Variants in OR2Y1 observed in about 807,000 individuals in gnomAD.
OR2Y1 encodes the protein olfactory receptor family 2 subfamily Y member 1.
For synonymous variants in OR2Y1, 163 were observed against 154.2 expected, an observed-to-expected ratio of 1.06 and a Z score of -0.42; for missense variants, 412 against 388.4, an observed-to-expected ratio of 1.06 and a Z score of -0.51.
In OR2Y1 at chr5:180,739,984, G is replaced by A. The variant is rs377240764; in HGVS notation, c.75C>T (p.Pro25=). 5 of 1,613,786 alleles carry A rather than the reference G, an allele frequency of 3.1e-6. No homozygotes were observed. The African/African-American group carries it at 4.0e-5, about 13-fold the overall frequency. ...AAATAAAAATAAAGACAAACAGGAT[G>A]GGCTCCAGTTGCGGCCAATCTGAGA... ...VGFSDWPQLE[P]ILFVFIFIFY... The change falls in exon 1 of 1, where the codon CCC becomes CCT. Residue 25 remains proline, a synonymous_variant. Transcript: ENST00000307832.
Position 180,739,417 on chromosome 5 carries a change from T to C in OR2Y1, c.642A>G (p.Leu214=). Residue 214 remains leucine, a synonymous_variant, in exon 1 of 1, where the codon CTA becomes CTG. Coordinates refer to ENST00000307832, the MANE Select transcript of OR2Y1 (RefSeq NM_001001657.1). ...CATGAGCAATGTGCACATAGGAGCC[T>C]AGAATAAGTGCTGCAGGAACAGCCA... is the stretch of plus-strand genomic sequence containing the variant. ...IVVAVPAALI[L]GSYVHIAHAV... 1 of 1,614,172 alleles carries C rather than the reference T, an allele frequency of 6.2e-7. No individual in the cohort carries two copies. The highest frequency in any genetic ancestry group is 8.5e-7 in the Non-Finnish European group (1 of 1,180,028).
At position 180,739,721 on chromosome 5, in the gene OR2Y1, A is replaced by G; in HGVS notation, c.338T>C (p.Val113Ala). 8.7e-6 allele frequency: 14 copies of G among 1,614,244 alleles called. No individual in the cohort carries two copies. Among genetic ancestry groups the G allele is most frequent in the Non-Finnish European group, 1.2e-5 (14 of 1,180,038 alleles). ...GTCAAAGGCCATCACCACCAGGAGC[A>G]CACACTCTGTGGAGCCCAGGGCTAG... ...IYLALGSTEC[V>A]LLVVMAFDRY... Residue 113 changes from valine to alanine, a missense_variant, in exon 1 of 1, where the codon GTG (valine) becomes GCG (alanine). Coordinates refer to ENST00000307832, the MANE Select transcript of OR2Y1 (RefSeq NM_001001657.1).
rs1380859883 is a variant in OR2Y1 at position 180,739,224 on chromosome 5, T to C, written c.835A>G (p.Ile279Val). The C allele has an allele frequency of 1.2e-6, 2 of 1,613,914 alleles. No homozygotes were observed. Among genetic ancestry groups the C allele is most frequent in the Non-Finnish European group, 1.7e-6 (2 of 1,179,952 alleles). ...AGAGGATTGAGAATGGGGGTAATTATAGTATAAAAAAGGGCAACAAATTTT... is the reference window on the plus strand; with the variant it reads ...AGAGGATTGAGAATGGGGGTAATTACAGTATAAAAAAGGGCAACAAATTTT... ...EGKFVALFYTIITPILNPLIY... is the reference protein window; with the variant it reads ...EGKFVALFYTVITPILNPLIY... Residue 279 changes from isoleucine (I) to valine (V), a missense_variant, in exon 1 of 1, where the codon ATA (isoleucine) becomes GTA (valine). Physicochemically the swap from Ile to Val is conservative, Grantham distance 29 (BLOSUM62 3). Transcript: ENST00000307832.
At position 180,739,225 on chromosome 5, in the gene OR2Y1, A is replaced by G. The variant is rs769894258; in HGVS notation, c.834T>C (p.Thr278=). The change falls in exon 1 of 1, where the codon ACT becomes ACC. Residue 278 remains threonine (T), a synonymous_variant. Transcript: ENST00000307832. The part of the protein sequence containing the change: ...REGKFVALFY[T]IITPILNPLI... Reference sequence around the variant, plus strand: ...GAGGATTGAGAATGGGGGTAATTATAGTATAAAAAAGGGCAACAAATTTTC... The same window carrying G: ...GAGGATTGAGAATGGGGGTAATTATGGTATAAAAAAGGGCAACAAATTTTC... The G allele has an allele frequency of 1.2e-6, 2 of 1,614,004 alleles. No homozygotes were observed. Among genetic ancestry groups the G allele is most frequent in the Non-Finnish European group, 1.7e-6 (2 of 1,179,910 alleles).
rs775167483 is a variant in OR2Y1 at position 180,739,977 on chromosome 5, A to G, written c.82T>C (p.Phe28Leu). 19 of 1,613,766 alleles carry G rather than the reference A, an allele frequency of 1.2e-5. No homozygotes were observed. The highest frequency in any genetic ancestry group is 1.6e-5 in the Non-Finnish European group (19 of 1,179,812). The change falls in exon 1 of 1, where the codon TTT (phenylalanine) becomes CTT (leucine). Residue 28 changes from phenylalanine to leucine, a missense_variant. Transcript: ENST00000307832. ...GAGTAGAAAATAAAAATAAAGACAAACAGGATGGGCTCCAGTTGCGGCCAA... is the reference window on the plus strand; with the variant it reads ...GAGTAGAAAATAAAAATAAAGACAAGCAGGATGGGCTCCAGTTGCGGCCAA... ...SDWPQLEPIL[F>L]VFIFIFYSLT...
In OR2Y1 at chr5:180,739,996, C is replaced by T. The variant is rs749891000; in HGVS notation, c.63G>A (p.Pro21=). The change falls in exon 1 of 1, where the codon CCG becomes CCA. Residue 21 remains proline (P), a synonymous_variant. Coordinates refer to ENST00000307832, the MANE Select transcript of OR2Y1 (RefSeq NM_001001657.1). ...AGACAAACAGGATGGGCTCCAGTTG[C>T]GGCCAATCTGAGAATCCCACCAAAA... The part of the protein sequence containing the change: ...GFILVGFSDW[P]QLEPILFVFI... 5.0e-6 allele frequency: 8 copies of T among 1,613,600 alleles called. No individual in the cohort carries two copies. Among genetic ancestry groups the T allele is most frequent in the East Asian group, 2.2e-5 (1 of 44,882 alleles).
At position 180,739,413 on chromosome 5, in the gene OR2Y1, A is replaced by G. The variant is rs1352200548; in HGVS notation, c.646T>C (p.Ser216Pro). ...VAVPAALILG[S>P]YVHIAHAVLR... is the part of the protein sequence containing the mutation. ...ACTGCATGAGCAATGTGCACATAGG[A>G]GCCTAGAATAAGTGCTGCAGGAACA... Residue 216 changes from serine (S) to proline (P), a missense_variant, in exon 1 of 1, where the codon TCC becomes CCC. Ser to Pro is a moderately conservative substitution (Grantham distance 74). Coordinates refer to ENST00000307832, the MANE Select transcript of OR2Y1 (RefSeq NM_001001657.1). 6.2e-7 allele frequency: 1 copy of G among 1,614,208 alleles called. No homozygotes were observed. The highest frequency in any genetic ancestry group is 1.1e-5 in the South Asian group (1 of 91,082).
rs992497443 is a variant in OR2Y1 at position 180,739,843 on chromosome 5, G to A, written c.216C>T (p.Cys72=). 2 of 1,614,130 alleles carry A rather than the reference G, an allele frequency of 1.2e-6. No individual in the cohort carries two copies. The highest frequency in any genetic ancestry group is 2.2e-5 in the East Asian group (1 of 44,898). Residue 72 remains cysteine (C), a synonymous_variant, in exon 1 of 1, where the codon TGC becomes TGT. Coordinates refer to ENST00000307832, the MANE Select transcript of OR2Y1 (RefSeq NM_001001657.1). ...FLSHLSLLDL[C]FTTSTVPQLL... is the part of the protein sequence containing the mutation. ...GCTGGGGCACGGTGCTGGTGGTGAA[G>A]CAGAGGTCCAGGAGGGACAGATGAG...
Position 180,739,274 on chromosome 5 carries a change from A to T in OR2Y1, c.785T>A (p.Ile262Asn). The T allele has an allele frequency of 6.2e-7, 1 of 1,614,166 alleles. No individual in the cohort carries two copies. The change falls in exon 1 of 1, where the codon ATC (isoleucine) becomes AAC (asparagine). Residue 262 changes from isoleucine to asparagine, a missense_variant. Ile to Asn is a moderately radical substitution (Grantham distance 149). Coordinates refer to ENST00000307832, the MANE Select transcript of OR2Y1 (RefSeq NM_001001657.1). ...TCCCTCACGCTCAGAATAATTGTGG[A>T]TGGATTGGAGATATGTGTAGATGGC... is the stretch of plus-strand genomic sequence containing the variant. Reference protein sequence around the residue: ...GSAIYTYLQSIHNYSEREGKF... With the variant: ...GSAIYTYLQSNHNYSEREGKF...
Position 180,739,835 on chromosome 5 carries a change from G to C in OR2Y1, c.224C>G (p.Thr75Ser). Reference protein sequence around the residue: ...HLSLLDLCFTTSTVPQLLINL... With the variant: ...HLSLLDLCFTSSTVPQLLINL... ...GATCAGGAGCTGGGGCACGGTGCTG[G>C]TGGTGAAGCAGAGGTCCAGGAGGGA... The change falls in exon 1 of 1, where the codon ACC (threonine) becomes AGC (serine). Residue 75 changes from threonine to serine, a missense_variant. By Grantham distance (58) the Thr-to-Ser change is moderately conservative (BLOSUM62 1). Coordinates refer to ENST00000307832, the MANE Select transcript of OR2Y1 (RefSeq NM_001001657.1). The C allele has an allele frequency of 6.2e-7, 1 of 1,614,258 alleles. No homozygotes were observed. Among genetic ancestry groups the C allele is most frequent in the Non-Finnish European group, 8.5e-7 (1 of 1,180,042 alleles).
rs1233068099 is a variant in OR2Y1 at position 180,739,745 on chromosome 5, AG to A, written c.313del (p.Leu105Ter). On this transcript the variant is annotated frameshift_variant, in exon 1 of 1. Transcript: ENST00000307832. LOFTEE classifies it low-confidence loss of function (END_TRUNC). ...CACACACTCTGTGGAGCCCAGGGCT[AG>A]GTAGATGAAGAGCTGAGCCACACAC... ...GGCVAQLFIY[L>X]ALGSTECVLL... 1 of 1,614,230 alleles carries A rather than the reference AG, an allele frequency of 6.2e-7. No individual in the cohort carries two copies. The highest frequency in any genetic ancestry group is 8.5e-7 in the Non-Finnish European group (1 of 1,180,032).
Position 180,739,565 on chromosome 5 carries a change from G to A in OR2Y1, c.494C>T (p.Ala165Val). 6.2e-7 allele frequency: 1 copy of A among 1,614,262 alleles called. No individual in the cohort carries two copies. The highest frequency in any genetic ancestry group is 8.5e-7 in the Non-Finnish European group (1 of 1,180,042). The change falls in exon 1 of 1, where the codon GCC (alanine) becomes GTC (valine). Residue 165 changes from alanine (A) to valine (V), a missense_variant. Physicochemically the swap from Ala to Val is moderately conservative, Grantham distance 64 (BLOSUM62 0). Coordinates refer to ENST00000307832, the MANE Select transcript of OR2Y1 (RefSeq NM_001001657.1). ...NSLIQTGLAM[A>V]MPLCGHRLNH... ...CAGTCGATGGCCACAGAGAGGCATG[G>A]CCATTGCGAGACCTGTCTGGATCAG... is the stretch of plus-strand genomic sequence containing the variant.
chr5:180,739,231 A>T lies in OR2Y1; in HGVS notation c.828T>A (p.Phe276Leu). 1 of 1,614,106 alleles carries T rather than the reference A, an allele frequency of 6.2e-7. No homozygotes were observed. Among genetic ancestry groups the T allele is most frequent in the Non-Finnish European group, 8.5e-7 (1 of 1,179,978 alleles). Residue 276 changes from phenylalanine (F) to leucine (L), a missense_variant, in exon 1 of 1, where the codon TTT becomes TTA. Coordinates refer to ENST00000307832, the MANE Select transcript of OR2Y1 (RefSeq NM_001001657.1). ...SEREGKFVALFYTIITPILNP... is the reference protein window; with the variant it reads ...SEREGKFVALLYTIITPILNP... The stretch of plus-strand genomic sequence containing the variant: ...TGAGAATGGGGGTAATTATAGTATA[A>T]AAAAGGGCAACAAATTTTCCCTCAC...
In OR2Y1 at chr5:180,739,207, G is replaced by A; in HGVS notation, c.852C>T (p.Leu284=). The A allele has an allele frequency of 5.6e-6, 9 of 1,614,060 alleles. No homozygotes were observed. Among genetic ancestry groups the A allele is most frequent in the Non-Finnish European group, 7.6e-6 (9 of 1,179,982 alleles). ...ALFYTIITPI[L]NPLIYTLRNK... is the part of the protein sequence containing the mutation. ...TTCTTAGTGTATAAATGAGAGGATT[G>A]AGAATGGGGGTAATTATAGTATAAA... Residue 284 remains leucine (L), a synonymous_variant, in exon 1 of 1, where the codon CTC becomes CTT. Transcript: ENST00000307832.
rs762803186 is a variant in OR2Y1 at position 180,739,714 on chromosome 5, C to G, written c.345G>C (p.Leu115=). The G allele has an allele frequency of 1.2e-6, 2 of 1,614,092 alleles. No individual in the cohort carries two copies. The highest frequency in any genetic ancestry group is 3.3e-5 in the Admixed American group (2 of 60,010). Residue 115 remains leucine, a synonymous_variant, in exon 1 of 1, where the codon CTG becomes CTC. Transcript: ENST00000307832. The part of the protein sequence containing the change: ...LALGSTECVL[L]VVMAFDRYAA... ...CATAGCGGTCAAAGGCCATCACCAC[C>G]AGGAGCACACACTCTGTGGAGCCCA...
At position 180,739,146 on chromosome 5, in the gene OR2Y1, A is replaced by G. The variant is rs766105132; in HGVS notation, c.913T>C (p.Trp305Arg). ...DVKGALWKVL[W>R]RGRDSG ...TCCTACCCTGAGTCCCTGCCCCTCC[A>G]TAGTACTTTCCACAGAGCCCCCTTC... Residue 305 changes from tryptophan to arginine, a missense_variant, in exon 1 of 1, where the codon TGG becomes CGG. Trp to Arg is a moderately radical substitution (Grantham distance 101). Coordinates refer to ENST00000307832, the MANE Select transcript of OR2Y1 (RefSeq NM_001001657.1). 9 of 1,609,980 alleles carry G rather than the reference A, an allele frequency of 5.6e-6. No individual in the cohort carries two copies. The Admixed American group carries it at 1.4e-4, about 24-fold the overall frequency.
chr5:180,739,353 C>T lies in OR2Y1; in HGVS notation c.706G>A (p.Ala236Thr), dbSNP rs767113645. 4 of 1,614,132 alleles carry T rather than the reference C, an allele frequency of 2.5e-6. No homozygotes were observed. Among genetic ancestry groups the T allele is most frequent in the South Asian group, 1.1e-5 (1 of 91,082 alleles). ...AGGTGGGACCCACAAGTCCCAAAAG[C>T]CTTTCTGCGCCCAGCCGTTGACTTC... is the stretch of plus-strand genomic sequence containing the variant. ...RVKSTAGRRKAFGTCGSHLLV... is the reference protein window; with the variant it reads ...RVKSTAGRRKTFGTCGSHLLV... Residue 236 changes from alanine (A) to threonine (T), a missense_variant, in exon 1 of 1, where the codon GCT (alanine) becomes ACT (threonine). Physicochemically the swap from Ala to Thr is moderately conservative, Grantham distance 58 (BLOSUM62 0). Coordinates refer to ENST00000307832, the MANE Select transcript of OR2Y1 (RefSeq NM_001001657.1).
chr5:180,739,667 T>A lies in OR2Y1; in HGVS notation c.392A>T (p.His131Leu), dbSNP rs750263053. ...DRYAAVCRPLHYMAIMHPHLC... is the reference protein window; with the variant it reads ...DRYAAVCRPLLYMAIMHPHLC... ...ATGGGGGTGCATGATGGCCATGTAG[T>A]GGAGTGGACGACAGACAGCAGCATA... Residue 131 changes from histidine to leucine, a missense_variant, in exon 1 of 1, where the codon CAC becomes CTC. Transcript: ENST00000307832. 2 of 1,614,032 alleles carry A rather than the reference T, an allele frequency of 1.2e-6. No individual in the cohort carries two copies. The highest frequency in any genetic ancestry group is 8.5e-7 in the Non-Finnish European group (1 of 1,179,952).
Position 180,739,800 on chromosome 5 carries a change from C to T in OR2Y1, c.259G>A (p.Gly87Arg), listed in dbSNP as rs369440057. ...TVPQLLINLC[G>R]VDRTITRGGC... ...CCACGGGTGATGGTGCGGTCCACCC[C>T]GCAAAGGTTGATCAGGAGCTGGGGC... Residue 87 changes from glycine (G) to arginine (R), a missense_variant, in exon 1 of 1, where the codon GGG becomes AGG. Transcript: ENST00000307832. The T allele has an allele frequency of 4.0e-5, 64 of 1,614,070 alleles. No homozygotes were observed. The highest frequency in any genetic ancestry group is 3.1e-4 in the African/African-American group (23 of 74,926).
Sources: gnomAD v4.1 joint callset for allele counts on GRCh38, gnomAD v4.1.1 for gene constraint, MANE v1.5 for transcripts, NCBI Gene and HGNC (gene_info 2026-07-23, HGNC 2026-07-21) for gene names.